Variants in EPC2 observed in about 807,000 individuals in gnomAD.
EPC2 encodes the protein enhancer of polycomb homolog 2.
EPC2 carries 14 observed loss-of-function variants against 92.1 expected under a neutral mutation model. The observed-to-expected ratio is 0.15, with a 90% CI of 0.10 to 0.24. The LOEUF (loss-of-function observed/expected upper bound fraction) is 0.24, where lower values mean the gene tolerates loss of function less well. EPC2 is among the 10% of genes least tolerant of loss of function. The probability of loss-of-function intolerance (pLI) is 1.00; values close to 1 mark genes in which losing one functional copy is unlikely to be tolerated. For missense variants in EPC2, 755 were observed against 971.5 expected, an observed-to-expected ratio of 0.78 and a Z score of 2.96; for synonymous variants, 340 against 334.7, an observed-to-expected ratio of 1.02 and a Z score of -0.17.
intron 10 of EPC2, among the ~76,000 whole-genome samples, chr2:148,781,032 T>A (rs983669234): frequency 6.6e-6 from 1 of 152,210 alleles, no homozygotes; most frequent in Non-Finnish European, 1.5e-5. Flanking sequence ...ATACATAGTA[T>A]CTTCAGTTTT....
At chr2:148,746,596 G>T (rs1682990026) in intron 3 of EPC2, among the ~76,000 whole-genome samples, 1 of 152,120 alleles carries the variant, frequency 6.6e-6, no homozygotes, top group Non-Finnish European at 1.5e-5. Flanking sequence ...TGTAGTGGAT[G>T]GGAGTAGGGG....
At chr2:148,751,628 A>G (rs894697784) in intron 3 of EPC2, among the ~76,000 whole-genome samples, 3 of 152,080 alleles carry the variant, frequency 2.0e-5, no homozygotes, top group Non-Finnish European at 4.4e-5. Flanking sequence ...GTTGCATGCC[A>G]CTGTGCCTGG....
intron 1 of EPC2, among the ~76,000 whole-genome samples, chr2:148,675,989 A>G (rs1247462937): frequency 6.6e-6 from 1 of 152,126 alleles, no homozygotes. Context: ...TTCAAATTTC[A>G]TTCTTGCTGA....
rs1335869062 is a variant in EPC2, at chr2:148,742,471, C to CT, written c.314-1150dup. 2.1e-5 allele frequency among the ~76,000 whole-genome samples: 3 copies of CT among 144,466 alleles called. No homozygotes were observed. The Admixed American group carries it at 2.2e-4, about 11-fold the overall frequency. The allele number at this position is 144,466 out of a possible 152,430, so 94.8% of individuals were successfully genotyped here. The stretch of plus-strand genomic sequence containing the variant: ...AAAAGTCATTGACATTTATTCTTGG[C>CT]TGGGTGTGTGGTGGCTCATGCCTGT... On this transcript the variant is annotated intron_variant, in intron 2 of 13. Transcript: ENST00000258484.
intron 1 of EPC2, among the ~76,000 whole-genome samples, chr2:148,660,144 A>G (rs765520474): frequency 1.3e-5 from 2 of 152,158 alleles, no homozygotes; most frequent in African/African-American, 2.4e-5. Context: ...ACATTCTTCC[A>G]TACTTTTTTT....
chr2:148,775,052 G>C (rs1683600779), intron 10 of EPC2, among the ~76,000 whole-genome samples: 1 of 147,958 alleles, frequency 6.8e-6, no homozygotes, highest in South Asian at 2.1e-4. Context: ...TCCTGCCACT[G>C]CACTCCAGCC....
intron 2 of EPC2, among the ~76,000 whole-genome samples, chr2:148,732,861 T>C (rs569308337): frequency 1.2e-3 from 183 of 151,896 alleles, no homozygotes; most frequent in Non-Finnish European, 2.3e-3. Flanking sequence ...GGAATATCTA[T>C]CATGTTATAG....
intron 2 of EPC2, among the ~76,000 whole-genome samples, chr2:148,740,081 A>AT (rs1019534210): frequency 1.8e-4 from 27 of 151,786 alleles, no homozygotes; most frequent in Admixed American, 7.2e-4. Context: ...GTAAGAGTGG[A>AT]TTTTTTAGCA....
intron 2 of EPC2, among the ~76,000 whole-genome samples, chr2:148,701,434 T>C (rs1681885124): frequency 6.6e-6 from 1 of 152,204 alleles, no homozygotes; most frequent in African/African-American, 2.4e-5. Flanking sequence ...AATTCTCCTC[T>C]ATTCTTAGTT....
At chr2:148,781,248 G>A (rs1275433906) in intron 10 of EPC2, among the ~76,000 whole-genome samples, 1 of 152,074 alleles carries the variant, frequency 6.6e-6, no homozygotes, top group Admixed American at 6.6e-5. Flanking sequence ...AGATGGTCCT[G>A]CTTTCTTATT....
chr2:148,644,942 G>T lies in EPC2; in HGVS notation c.-76G>T. 7.8e-7 allele frequency: 1 copy of T among 1,278,758 alleles called. No homozygotes were observed. Among genetic ancestry groups the T allele is most frequent in the Non-Finnish European group, 1.1e-6 (1 of 910,112 alleles). The allele number at this position is 1,278,758 out of a possible 1,614,324, so 79.2% of individuals were successfully genotyped here. A position where few individuals can be genotyped will look rare whatever the true frequency, so the allele number is the denominator to read the frequency against. ...CTGCACTGAGGAAGGAGGTGGAGGA[G>T]GCGGCGGGAGTCCTCCCCCCCTCCC... On this transcript the variant is annotated 5_prime_UTR_variant, in exon 1 of 14. The change creates a new upstream start codon in the 5' untranslated region. Transcript: ENST00000258484.
intron 2 of EPC2, among the ~76,000 whole-genome samples, chr2:148,742,537 G>C (rs1682897991): frequency 6.6e-6 from 1 of 152,060 alleles, no homozygotes; most frequent in African/African-American, 2.4e-5. Context: ...CAGATCGCTT[G>C]AGCCCAGGAG....
chr2:148,685,752 G>T (rs971890530), intron 1 of EPC2, among the ~76,000 whole-genome samples: 9 of 152,318 alleles, frequency 5.9e-5, no homozygotes, highest in African/African-American at 2.2e-4. Flanking sequence ...GGGCGACAGA[G>T]TGAGATTCCA....
rs561827716 is a variant in EPC2, at chr2:148,779,821, C to T, written c.1721-1823C>T. On this transcript the variant is annotated intron_variant, in intron 10 of 13. Coordinates refer to ENST00000258484, the MANE Select transcript of EPC2 (RefSeq NM_015630.4). ...AAAGCTCAACTCTGGACACACTTGACACTGGACTTAAGGACTGTTGTAATA... is the reference window on the plus strand; with the variant it reads ...AAAGCTCAACTCTGGACACACTTGATACTGGACTTAAGGACTGTTGTAATA... Among the ~76,000 whole-genome samples the T allele has an allele frequency of 7.2e-5, 11 of 152,338 alleles. No homozygotes were observed. In the East Asian group the frequency reaches 2.1e-3, roughly 29 times the overall value.
chr2:148,654,283 C>G (rs748924751), intron 1 of EPC2, among the ~76,000 whole-genome samples: 1 of 152,044 alleles, frequency 6.6e-6, no homozygotes, highest in Non-Finnish European at 1.5e-5. Context: ...AAGTCTGTGT[C>G]TTATAGGCAA....
intron 2 of EPC2, among the ~76,000 whole-genome samples, chr2:148,721,232 C>T (rs771756143): frequency 1.3e-5 from 2 of 152,058 alleles, no homozygotes; most frequent in Non-Finnish European, 2.9e-5. Flanking sequence ...GCAACAAAGT[C>T]CTCAATTTTT....
At chr2:148,664,665 G>A (rs1043072771) in intron 1 of EPC2, among the ~76,000 whole-genome samples, 20 of 152,088 alleles carry the variant, frequency 1.3e-4, no homozygotes, top group African/African-American at 4.6e-4. Flanking sequence ...TCAGGCAAAC[G>A]CTCATCTGCT....
intron 2 of EPC2, among the ~76,000 whole-genome samples, chr2:148,723,331 T>C (rs1163092508): frequency 2.0e-5 from 3 of 152,230 alleles, no homozygotes; most frequent in Non-Finnish European, 4.4e-5. Flanking sequence ...AGAACATGGT[T>C]GAGTTCTTGA....
intron 1 of EPC2, among the ~76,000 whole-genome samples, chr2:148,658,874 A>G (rs1246815650): frequency 6.6e-6 from 1 of 151,962 alleles, no homozygotes; most frequent in Non-Finnish European, 1.5e-5. Flanking sequence ...TTATTAAAAG[A>G]TATATATGTA....
Sources: allele counts gnomAD v4.1 joint callset (sites outside exome capture counted in the v4.1 genomes callset), GRCh38; gene constraint gnomAD v4.1.1; transcripts MANE v1.5; gene names NCBI Gene and HGNC (gene_info 2026-07-23, HGNC 2026-07-21).